Variants in KCNQ3 observed in about 807,000 individuals in gnomAD.
The protein encoded by KCNQ3 is potassium voltage-gated channel subfamily KQT member 3.
In KCNQ3, 30 loss-of-function variants were observed where a neutral mutation model predicts 92.5. That is an observed-to-expected ratio of 0.32 (90% CI 0.24 to 0.44). KCNQ3 has a LOEUF of 0.44. Among genes scored for constraint, KCNQ3 ranks in the 20% least tolerant of loss-of-function variants. The probability of loss-of-function intolerance (pLI) is 1.00; values close to 1 mark genes in which losing one functional copy is unlikely to be tolerated. For missense variants in KCNQ3, 913 were observed against 1,140.3 expected, an observed-to-expected ratio of 0.80 and a Z score of 2.87; for synonymous variants, 450 against 468.8, an observed-to-expected ratio of 0.96 and a Z score of 0.52.
chr8:132,177,018 C>T (rs117207466), intron 4 of KCNQ3, among the ~76,000 whole-genome samples: 4 of 152,292 alleles, frequency 2.6e-5, no homozygotes, highest in East Asian at 1.9e-4. Context: ...AGGACGGAAA[C>T]GTACATGGAC....
chr8:132,223,708 T>G lies in KCNQ3; in HGVS notation c.387-37527A>C, dbSNP rs181150981. On this transcript the variant is annotated intron_variant, in intron 1 of 14. Coordinates refer to ENST00000388996, the MANE Select transcript of KCNQ3 (RefSeq NM_004519.4). Reference sequence around the variant, plus strand: ...CCATATAGTATGCGTGGAGTATGGTTGGATTAATCTTAAATTTTTATAAAC... The same window carrying G: ...CCATATAGTATGCGTGGAGTATGGTGGGATTAATCTTAAATTTTTATAAAC... 5.9e-5 allele frequency among the ~76,000 whole-genome samples: 9 copies of G among 152,286 alleles called. 1 individual carries two copies. The highest frequency in any genetic ancestry group is 2.2e-4 in the African/African-American group (9 of 41,554).
At chr8:132,147,330 G>A (rs112284679) in intron 9 of KCNQ3, among the ~76,000 whole-genome samples, 2,150 of 101,334 alleles carry the variant, frequency 0.021, 45 homozygotes, top group African/African-American at 0.072. Context: ...ATAGGTACCC[G>A]TATTATAACC....
intron 11 of KCNQ3, among the ~76,000 whole-genome samples, chr8:132,138,972 A>C (rs542505911): frequency 3.3e-5 from 5 of 152,146 alleles, no homozygotes; most frequent in African/African-American, 1.2e-4. Flanking sequence ...TCACAGGCCA[A>C]CTCTGGCTCA....
At chr8:132,170,542 G>C in intron 7 of KCNQ3, 114 bp from the exon 8 acceptor site, 1 of 725,682 alleles carries the variant, frequency 1.4e-6, no homozygotes, top group Admixed American at 2.2e-5. Flanking sequence ...ATTTGAATGT[G>C]CATTGAGCCA....
intron 8 of KCNQ3, among the ~76,000 whole-genome samples, chr8:132,166,907 C>G (rs1304282872): frequency 6.6e-6 from 1 of 152,154 alleles, no homozygotes; most frequent in African/African-American, 2.4e-5. Context: ...TAAACATAGA[C>G]TTACCAATCC....
At chr8:132,367,301 T>C (rs1819350288) in intron 1 of KCNQ3, among the ~76,000 whole-genome samples, 1 of 152,252 alleles carries the variant, frequency 6.6e-6, no homozygotes, top group African/African-American at 2.4e-5. Flanking sequence ...CTTTTGTTTA[T>C]CCCAGAGAAG....
chr8:132,318,861 G>T (rs1817816296), intron 1 of KCNQ3, among the ~76,000 whole-genome samples: 2 of 152,196 alleles, frequency 1.3e-5, no homozygotes, highest in African/African-American at 4.8e-5. Flanking sequence ...TACCTCTAAA[G>T]ATGTCTAGAT....
At position 132,315,021 on chromosome 8, in the gene KCNQ3, C is replaced by G. The variant is rs149548056; in HGVS notation, c.387-128840G>C. Among the ~76,000 whole-genome samples the G allele has an allele frequency of 4.8e-3, 727 of 152,284 alleles. 5 individuals carry two copies. The highest frequency in any genetic ancestry group is 0.017 in the African/African-American group (705 of 41,558). On this transcript the variant is annotated intron_variant, in intron 1 of 14. Coordinates refer to ENST00000388996, the MANE Select transcript of KCNQ3 (RefSeq NM_004519.4). ...AAGGTAAATTGGACCTAGTTATGAA[C>G]TTTAGATTCTATCTCACAAGGGATG...
rs1441954566 is a variant in KCNQ3 at position 132,265,768 on chromosome 8, A to G, written c.387-79587T>C. ...CAGCTTTAAATGGCCTTATGTGTCA[A>G]TCTGTCTTAAATACCCCATCCCTTT... On this transcript the variant is annotated intron_variant, in intron 1 of 14. Coordinates refer to ENST00000388996, the MANE Select transcript of KCNQ3 (RefSeq NM_004519.4). Among the ~76,000 whole-genome samples, 3 of 152,192 alleles carry G rather than the reference A, an allele frequency of 2.0e-5. No individual in the cohort carries two copies. In the East Asian group the frequency reaches 5.8e-4, roughly 29 times the overall value.
intron 9 of KCNQ3, among the ~76,000 whole-genome samples, chr8:132,142,304 T>G (rs999236811): frequency 5.9e-5 from 9 of 152,190 alleles, no homozygotes; most frequent in Non-Finnish European, 1.2e-4. Flanking sequence ...GCACCTTGAC[T>G]TAAGCCCAAG....
At chr8:132,357,635 T>C (rs1819053273) in intron 1 of KCNQ3, among the ~76,000 whole-genome samples, 2 of 152,212 alleles carry the variant, frequency 1.3e-5, no homozygotes, top group Non-Finnish European at 2.9e-5. Flanking sequence ...GCTGCAGCCC[T>C]AAACTCATCA....
At chr8:132,341,318 T>G (rs1190764304) in intron 1 of KCNQ3, among the ~76,000 whole-genome samples, 1 of 152,200 alleles carries the variant, frequency 6.6e-6, no homozygotes, top group Non-Finnish European at 1.5e-5. Flanking sequence ...ACCTTCAAGT[T>G]AGATAAGGAG....
chr8:132,365,346 T>C lies in KCNQ3; in HGVS notation c.386+114801A>G, dbSNP rs1450911344. On this transcript the variant is annotated intron_variant, in intron 1 of 14. Coordinates refer to ENST00000388996, the MANE Select transcript of KCNQ3 (RefSeq NM_004519.4). ...TAGACGCCTTATGTGGGTGAACTAATTTAATTCTTACAATAAACCCAGGCA... is the reference window on the plus strand; with the variant it reads ...TAGACGCCTTATGTGGGTGAACTAACTTAATTCTTACAATAAACCCAGGCA... 2.6e-5 allele frequency among the ~76,000 whole-genome samples: 4 copies of C among 152,254 alleles called. No homozygotes were observed. In the South Asian group the frequency reaches 6.2e-4, roughly 24 times the overall value.
chr8:132,204,914 G>C (rs1813608746), intron 1 of KCNQ3, among the ~76,000 whole-genome samples: 1 of 152,068 alleles, frequency 6.6e-6, no homozygotes, highest in South Asian at 2.1e-4. Context: ...CCCCCTCTCT[G>C]TTTTCTTCCT....
rs1824572847 is a variant in KCNQ3 at position 132,123,795 on chromosome 8, T to G, written c.*5467A>C. On this transcript the variant is annotated 3_prime_UTR_variant, in exon 15 of 15. Transcript: ENST00000388996. ...CTGTGTATCTTAGAATCCATGAAATTATGTCTCTTTGCATCTATGATAACA... is the reference window on the plus strand; with the variant it reads ...CTGTGTATCTTAGAATCCATGAAATGATGTCTCTTTGCATCTATGATAACA... 6.6e-6 allele frequency: 1 copy of G among 152,200 alleles called. No individual in the cohort carries two copies. Among genetic ancestry groups the G allele is most frequent in the Non-Finnish European group, 1.5e-5 (1 of 68,036 alleles). The allele number at this position is 152,200 out of a possible 1,614,324, so 9.4% of individuals were successfully genotyped here.
At position 132,293,164 on chromosome 8, in the gene KCNQ3, C is replaced by T. The variant is rs563116472; in HGVS notation, c.387-106983G>A. On this transcript the variant is annotated intron_variant, in intron 1 of 14. Transcript: ENST00000388996. ...CCTTACCCATCTCTTCATCTATATC[C>T]TTTGTAATATCCATATAATAAACTG... is the stretch of plus-strand genomic sequence containing the variant. Among the ~76,000 whole-genome samples, 3 of 152,256 alleles carry T rather than the reference C, an allele frequency of 2.0e-5. No individual in the cohort carries two copies. The East Asian group carries it at 5.8e-4, about 29-fold the overall frequency.
chr8:132,247,762 C>T (rs888396503), intron 1 of KCNQ3, among the ~76,000 whole-genome samples: 9 of 151,158 alleles, frequency 6.0e-5, no homozygotes, highest in African/African-American at 2.2e-4. Flanking sequence ...TGCGCCACTG[C>T]ACTCCAGCCT....
Position 132,184,129 on chromosome 8 carries a change from C to T in KCNQ3, c.604+112G>A, listed in dbSNP as rs764561992. The stretch of plus-strand genomic sequence containing the variant: ...GAGGCAGCGTCAGGGGCTGAGCTGG[C>T]CTCCACAGTGCCGCGTGATTTCCCA... On this transcript the variant is annotated intron_variant, in intron 3 of 14. Transcript: ENST00000388996. 3 of 1,355,858 alleles carry T rather than the reference C, an allele frequency of 2.2e-6. No individual in the cohort carries two copies. In the Admixed American group the frequency reaches 5.0e-5, roughly 23 times the overall value. 84.0% of individuals were successfully genotyped at this position (1,355,858 alleles called of 1,614,324 possible).
intron 1 of KCNQ3, among the ~76,000 whole-genome samples, chr8:132,399,157 C>CA (rs1363846674): frequency 1.3e-5 from 2 of 152,146 alleles, no homozygotes; most frequent in African/African-American, 4.8e-5. Flanking sequence ...TCTCTATAGG[C>CA]AGTAGAATCA....
Sources: gnomAD v4.1 joint callset for allele counts (sites outside exome capture counted in the v4.1 genomes callset) on GRCh38, gnomAD v4.1.1 for gene constraint, MANE v1.5 for transcripts, NCBI Gene and HGNC (gene_info 2026-07-23, HGNC 2026-07-21) for gene names.